NUP210L: variants seen among roughly 807,000 people sequenced by gnomAD.
NUP210L encodes nuclear pore membrane glycoprotein 210-like.
In NUP210L, 74 loss-of-function variants were observed where a neutral mutation model predicts 208.5. The observed-to-expected ratio is 0.35, with a 90% CI of 0.29 to 0.43. NUP210L has a LOEUF of 0.43. Among genes scored for constraint, NUP210L ranks in the 20% least tolerant of loss-of-function variants. The pLI is 1.00. For synonymous variants in NUP210L, 780 were observed against 816.9 expected (o/e 0.95, Z 0.77); for missense variants, 1,843 against 2,289.4 (o/e 0.81, Z 3.98).
In NUP210L at chr1:154,004,765, G is replaced by T. The variant is rs143003565; in HGVS notation, c.4931-2780C>A. Among the ~76,000 whole-genome samples, 1,138 of 151,970 alleles carry T rather than the reference G, an allele frequency of 7.5e-3. 13 individuals carry two copies. The highest frequency in any genetic ancestry group is 0.026 in the African/African-American group (1,096 of 41,448). On this transcript the variant is annotated intron_variant, in intron 35 of 39. Transcript: ENST00000368559. Reference sequence around the variant, plus strand: ...GGGCTCAAGGGATTCCCCCACCTTGGCCTCCTGAGTAGCTGGGATTACAGG... The same window carrying T: ...GGGCTCAAGGGATTCCCCCACCTTGTCCTCCTGAGTAGCTGGGATTACAGG...
exon 34 of NUP210L, chr1:154,012,259 C>T (rs369548570): frequency 2.5e-6 from 4 of 1,613,750 alleles, no homozygotes; most frequent in Non-Finnish European, 2.5e-6. Flanking sequence ...AGATTGACAC[C>T]ATTTCTGCCA....
intron 25 of NUP210L, among the ~76,000 whole-genome samples, chr1:154,051,249 G>A (rs989940928): frequency 6.6e-6 from 1 of 151,806 alleles, no homozygotes; most frequent in Non-Finnish European, 1.5e-5. Flanking sequence ...TTGCTCTGTT[G>A]CCCAGGCTGG....
intron 10 of NUP210L, among the ~76,000 whole-genome samples, chr1:154,125,959 G>A (rs1343290061): frequency 6.7e-6 from 1 of 150,016 alleles, no homozygotes; most frequent in African/African-American, 2.4e-5. Context: ...TAGTAGAGAC[G>A]GGGTTTCACC....
At chr1:154,038,291 C>T (rs979313635) in intron 27 of NUP210L, among the ~76,000 whole-genome samples, 1 of 151,028 alleles carries the variant, frequency 6.6e-6, no homozygotes, top group Non-Finnish European at 1.5e-5. Context: ...CACCACCATG[C>T]CCAGTCAATT....
intron 37 of NUP210L, among the ~76,000 whole-genome samples, 167 bp downstream of exon 37, chr1:154,000,689 A>T (rs920182018): frequency 2.0e-5 from 3 of 152,246 alleles, no homozygotes; most frequent in Non-Finnish European, 2.9e-5. Flanking sequence ...TATTTGGAAC[A>T]GTGCACAATT....
chr1:154,092,141 T>C (rs12021706), intron 15 of NUP210L, among the ~76,000 whole-genome samples: 40,396 of 148,978 alleles, frequency 0.27, 5,788 homozygotes, highest in Admixed American at 0.37. Context: ...AGTGGCATGA[T>C]CTCGGCTCAT....
chr1:154,089,692 G>A (rs926352571), intron 15 of NUP210L, 98 bp from the exon 16 acceptor site: 5 of 967,376 alleles, frequency 5.2e-6, no homozygotes, highest in Non-Finnish European at 6.4e-6. Flanking sequence ...TTCCAGTATA[G>A]AGAGTCCCTT....
At chr1:154,125,975 A>G (rs1028545240) in intron 10 of NUP210L, among the ~76,000 whole-genome samples, 3 of 150,906 alleles carry the variant, frequency 2.0e-5, no homozygotes, top group Non-Finnish European at 3.0e-5. Flanking sequence ...TCACCGTTTT[A>G]GCCGGGATGG....
At chr1:154,070,451 T>A (rs769523780) in exon 17 of NUP210L, 2 of 1,576,672 alleles carry the variant, frequency 1.3e-6, no homozygotes, top group Non-Finnish European at 1.7e-6. Flanking sequence ...TGTCCCTCAG[T>A]CTTGATACAG....
chr1:154,152,103 A>AG (rs1367772078), intron 2 of NUP210L, among the ~76,000 whole-genome samples: 38 of 141,842 alleles, frequency 2.7e-4, no homozygotes, highest in Non-Finnish European at 4.7e-4. Context: ...AAAAAAAAAA[A>AG]AAAAGAAAGA....
intron 25 of NUP210L, among the ~76,000 whole-genome samples, chr1:154,048,691 G>T (rs1290244457): frequency 6.6e-6 from 1 of 152,214 alleles, no homozygotes; most frequent in Non-Finnish European, 1.5e-5. Flanking sequence ...CACAAAAGCT[G>T]TGAGTCTTCT....
At chr1:154,102,788 T>G (rs1000248638) in intron 13 of NUP210L, among the ~76,000 whole-genome samples, 4 of 152,186 alleles carry the variant, frequency 2.6e-5, no homozygotes, top group Admixed American at 2.0e-4. Context: ...GAAAGAGATA[T>G]TTTATCCTTT....
At chr1:154,013,398 A>C (rs1651060609) in intron 33 of NUP210L, among the ~76,000 whole-genome samples, 1 of 151,944 alleles carries the variant, frequency 6.6e-6, no homozygotes, top group Admixed American at 6.6e-5. Flanking sequence ...GCATGGCGAA[A>C]CCTCACCTCT....
At chr1:154,128,357 G>A (rs570514882) in intron 8 of NUP210L, among the ~76,000 whole-genome samples, 12 of 151,588 alleles carry the variant, frequency 7.9e-5, no homozygotes, top group African/African-American at 2.4e-4. Context: ...GTGGTGGCTC[G>A]CGGCTATAGT....
chr1:153,998,115 A>G (rs974612969), intron 37 of NUP210L, among the ~76,000 whole-genome samples: 2 of 152,158 alleles, frequency 1.3e-5, no homozygotes, highest in Non-Finnish European at 1.5e-5. Flanking sequence ...CTTCTCTAGT[A>G]ATGAACTATA....
chr1:154,047,979 G>A (rs1220054007), intron 25 of NUP210L, among the ~76,000 whole-genome samples: 1 of 152,194 alleles, frequency 6.6e-6, no homozygotes, highest in Non-Finnish European at 1.5e-5. Context: ...GTAAGAAGGG[G>A]AGCTTGGAAG....
intron 12 of NUP210L, among the ~76,000 whole-genome samples, chr1:154,116,141 G>C (rs1657314871): frequency 6.6e-6 from 1 of 151,752 alleles, no homozygotes; most frequent in Non-Finnish European, 1.5e-5. Context: ...TGTAGTCCCA[G>C]CTACTCGGGA....
chr1:154,147,901 C>T (rs983342454), intron 2 of NUP210L, among the ~76,000 whole-genome samples: 1 of 145,862 alleles, frequency 6.9e-6, no homozygotes, highest in Non-Finnish European at 1.5e-5. Context: ...GTAATCCACC[C>T]GCCTCGGCCT....
At chr1:154,115,287 T>C (rs1657263852) in intron 12 of NUP210L, among the ~76,000 whole-genome samples, 1 of 152,202 alleles carries the variant, frequency 6.6e-6, no homozygotes, top group Non-Finnish European at 1.5e-5. Flanking sequence ...TTGGCAAAGC[T>C]TTCTGTAAAG....
Sources: gnomAD v4.1 joint callset for allele counts (sites outside exome capture counted in the v4.1 genomes callset) on GRCh38, gnomAD v4.1.1 for gene constraint, MANE v1.5 for transcripts, NCBI Gene and HGNC (gene_info 2026-07-23, HGNC 2026-07-21) for gene names.